Variants in DMD observed in about 807,000 individuals in gnomAD.
DMD encodes dystrophin, also known as mutant dystrophin.
DMD carries 63 observed loss-of-function variants against 330.1 expected under a neutral mutation model. That is an observed-to-expected ratio of 0.19 (90% confidence interval 0.16 to 0.24). The LOEUF is 0.24. DMD is among the 10% of genes least tolerant of loss of function. DMD has a pLI of 1.00. For synonymous variants in DMD, 1,223 were observed against 959.8 expected (o/e 1.27, Z -5.07); for missense variants, 3,344 against 2,684.1 (o/e 1.25, Z -5.43).
At chrX:32,917,471 C>G (rs1355337934) in intron 2 of DMD, among the ~76,000 whole-genome samples, 1 of 111,786 alleles carries the variant, frequency 8.9e-6, no homozygotes, top group East Asian at 2.8e-4. Context: ...ACATCACACA[C>G]AAATTCACAA....
intron 9 of DMD, among the ~76,000 whole-genome samples, chrX:32,670,307 T>A (rs2061554190): frequency 8.9e-6 from 1 of 112,056 alleles, no homozygotes; most frequent in Non-Finnish European, 1.9e-5. Flanking sequence ...AAATTACTAG[T>A]GTTTGACCTT....
chrX:32,463,560 C>T lies in DMD; in HGVS notation c.3311G>A (p.Ser1104Asn), dbSNP rs1009754942. The part of the protein sequence containing the change: ...LVSDIQTIQP[S>N]LNSVNEGGQK... Reference sequence around the variant, plus strand: ...CCCACCTTCATTGACACTGTTTAGACTGGGCTGAATTGTCTGAATATCACT... The same window carrying T: ...CCCACCTTCATTGACACTGTTTAGATTGGGCTGAATTGTCTGAATATCACT... The change falls in exon 25 of 79, where the codon AGT (serine) becomes AAT (asparagine). Residue 1104 changes from serine (S) to asparagine (N), a missense_variant. Physicochemically the swap from Ser to Asn is conservative, Grantham distance 46. Transcript: ENST00000357033. 8.4e-7 allele frequency: 1 copy of T among 1,194,671 alleles called. No homozygotes were observed. Among genetic ancestry groups the T allele is most frequent in the Admixed American group, 2.3e-5 (1 of 44,364 alleles).
intron 54 of DMD, among the ~76,000 whole-genome samples, chrX:31,639,643 G>A (rs775556406): frequency 8.1e-5 from 9 of 111,415 alleles, no homozygotes; most frequent in African/African-American, 2.3e-4. Flanking sequence ...TGATAGTCTC[G>A]TGATCTAAAA....
intron 47 of DMD, among the ~76,000 whole-genome samples, chrX:31,921,692 C>G (rs2149934146): frequency 8.9e-6 from 1 of 112,162 alleles, no homozygotes; most frequent in Admixed American, 9.4e-5. Context: ...TACACATTTC[C>G]CATTTACTAC....
At chrX:32,903,404 A>G (rs1349679071) in intron 2 of DMD, among the ~76,000 whole-genome samples, 2 of 110,398 alleles carry the variant, frequency 1.8e-5, no homozygotes, top group Non-Finnish European at 3.8e-5. Flanking sequence ...AGGAAGGCAA[A>G]AACCAAATTA....
At chrX:31,424,131 G>A (rs761087262) in intron 60 of DMD, among the ~76,000 whole-genome samples, 13 of 111,026 alleles carry the variant, frequency 1.2e-4, no homozygotes, top group African/African-American at 3.3e-4. Flanking sequence ...CTCTTTTCCC[G>A]GCAGTGAACC....
At chrX:33,192,429 C>T (rs932415013) in intron 1 of DMD, among the ~76,000 whole-genome samples, 20 of 112,139 alleles carry the variant, frequency 1.8e-4, no homozygotes, top group Admixed American at 2.8e-4. Context: ...TGAGCACTAA[C>T]GAGAAATACA....
intron 1 of DMD, among the ~76,000 whole-genome samples, chrX:33,144,373 G>A (rs2047932131): frequency 9.0e-6 from 1 of 111,169 alleles, no homozygotes; most frequent in Non-Finnish European, 1.9e-5. Context: ...CCACAATAGG[G>A]TGATTATAGT....
intron 60 of DMD, among the ~76,000 whole-genome samples, chrX:31,397,003 T>C (rs987243166): frequency 5.4e-5 from 6 of 111,842 alleles, no homozygotes; most frequent in African/African-American, 1.9e-4. Context: ...GAGAATAAAC[T>C]AGATTTAGAG....
chrX:31,300,126 C>T (rs1374469513), intron 62 of DMD, among the ~76,000 whole-genome samples: 2 of 111,938 alleles, frequency 1.8e-5, no homozygotes, highest in African/African-American at 3.2e-5. Flanking sequence ...GCAAAGACTG[C>T]GTCGGTTGAT....
intron 44 of DMD, among the ~76,000 whole-genome samples, chrX:32,116,739 T>C (rs1363590205): frequency 8.9e-6 from 1 of 112,407 alleles, no homozygotes; most frequent in East Asian, 2.8e-4. Context: ...AGATGAGAAG[T>C]TGTCGCTGGG....
chrX:32,480,274 G>C (rs758842067), intron 21 of DMD, among the ~76,000 whole-genome samples: 16 of 111,787 alleles, frequency 1.4e-4, no homozygotes, highest in Non-Finnish European at 2.5e-4. Context: ...TGTTGGAGAG[G>C]CTGTGGAGAA....
chrX:32,287,484 C>G, intron 43 of DMD, 45 bp downstream of exon 43: 1 of 1,157,056 alleles, frequency 8.6e-7, no homozygotes, highest in Non-Finnish European at 1.2e-6. Context: ...TCCCTGAAAA[C>G]AAATCATTTC....
At chrX:32,698,972 T>TC (rs2063869860) in intron 8 of DMD, 140 bp downstream of exon 8, 2 of 531,291 alleles carry the variant, frequency 3.8e-6, no homozygotes, top group Non-Finnish European at 6.1e-6. Context: ...CTGTCTCTTT[T>TC]TGTACATATA....
At chrX:32,056,390 T>TAAAA (rs34726053) in intron 44 of DMD, among the ~76,000 whole-genome samples, 1 of 47,570 alleles carries the variant, frequency 2.1e-5, no homozygotes, top group Non-Finnish European at 4.2e-5. Flanking sequence ...GTAGATTAAG[T>TAAAA]AAAAAAAAAA....
chrX:31,127,571 C>T (rs895221347), intron 77 of DMD, among the ~76,000 whole-genome samples: 1 of 111,487 alleles, frequency 9.0e-6, no homozygotes. Context: ...GGGACATCTC[C>T]TAAAACAATC....
chrX:31,955,259 G>A (rs1420203605), intron 45 of DMD, among the ~76,000 whole-genome samples: 1 of 111,879 alleles, frequency 8.9e-6, no homozygotes, highest in Non-Finnish European at 1.9e-5. Context: ...GAAGACACAG[G>A]CTTGAAGCTG....
intron 1 of DMD, among the ~76,000 whole-genome samples, chrX:33,031,288 T>A (rs760799374): frequency 2.0e-5 from 2 of 102,422 alleles, no homozygotes; most frequent in East Asian, 6.7e-4. Flanking sequence ...CAGAAGTCTA[T>A]GTATTAAAAA....
intron 57 of DMD, among the ~76,000 whole-genome samples, chrX:31,484,636 C>T (rs1008311499): frequency 1.8e-5 from 2 of 111,576 alleles, no homozygotes; most frequent in African/African-American, 6.5e-5. Flanking sequence ...TCTTAAGGTT[C>T]ACAAAATAAA....
Sources: allele counts gnomAD v4.1 joint callset (sites outside exome capture counted in the v4.1 genomes callset), GRCh38; gene constraint gnomAD v4.1.1; transcripts MANE v1.5; gene names NCBI Gene and HGNC (gene_info 2026-07-23, HGNC 2026-07-21).